FIRRM: variants seen among roughly 807,000 people sequenced by gnomAD.
FIRRM encodes the protein FIGNL1-interacting regulator of recombination and mitosis.
At chr1:169,793,420 T>C in the FIRRM span, 9 of 1,614,206 alleles carry the variant, frequency 5.6e-6, no homozygotes, top group East Asian at 2.0e-4. Context: ...AGGGCTGTTT[T>C]CCATGTGGCT....
the FIRRM span, among the ~76,000 whole-genome samples, chr1:169,825,723 C>T: frequency 2.0e-4 from 31 of 152,102 alleles, no homozygotes; most frequent in African/African-American, 7.0e-4. Flanking sequence ...ATGAATGAAC[C>T]AAAGTCATGT....
chr1:169,830,599 A>G, the FIRRM span: 2 of 1,194,544 alleles, frequency 1.7e-6, no homozygotes, highest in African/African-American at 1.5e-5. Context: ...GCAGTTTTTA[A>G]TGTCCTCATC....
chr1:169,800,918 C>T, the FIRRM span: 146 of 1,595,638 alleles, frequency 9.1e-5, no homozygotes, highest in Non-Finnish European at 1.2e-4. Flanking sequence ...GTTTTTACCT[C>T]ATATGAACCA....
the FIRRM span, among the ~76,000 whole-genome samples, chr1:169,801,206 G>A: frequency 3.3e-5 from 5 of 151,808 alleles, no homozygotes; most frequent in Non-Finnish European, 5.9e-5. Context: ...TCTCTGAGAG[G>A]CTGAGGTGGG....
the FIRRM span, among the ~76,000 whole-genome samples, chr1:169,808,890 C>T: frequency 2.5e-4 from 38 of 152,132 alleles, no homozygotes; most frequent in African/African-American, 8.0e-4. Flanking sequence ...TGAGCCACCG[C>T]GCCCAGCCTA....
the FIRRM span, among the ~76,000 whole-genome samples, chr1:169,833,846 C>CTTT: frequency 0.085 from 8,158 of 95,910 alleles, 414 homozygotes; most frequent in Admixed American, 0.15. Context: ...AGTCACTTTC[C>CTTT]TTTTTTTTTT....
the FIRRM span, among the ~76,000 whole-genome samples, chr1:169,810,618 T>A: frequency 6.6e-6 from 1 of 152,080 alleles, no homozygotes; most frequent in Non-Finnish European, 1.5e-5. Flanking sequence ...TCATCTTAAC[T>A]AATTATGTCT....
At chr1:169,791,170 T>C in the FIRRM span, among the ~76,000 whole-genome samples, 4 of 152,194 alleles carry the variant, frequency 2.6e-5, no homozygotes, top group African/African-American at 7.2e-5. Flanking sequence ...CCAGTACTGG[T>C]CCACGGCGCA....
the FIRRM span, among the ~76,000 whole-genome samples, chr1:169,822,153 C>T: frequency 1.3e-5 from 2 of 152,120 alleles, no homozygotes; most frequent in African/African-American, 4.8e-5. Flanking sequence ...GCCATTGGTA[C>T]ATTTCCCACA....
chr1:169,811,737 TAGACAGATTATCTAAATAGATAATAGAC>T, the FIRRM span, among the ~76,000 whole-genome samples: 2 of 150,342 alleles, frequency 1.3e-5, no homozygotes, highest in Non-Finnish European at 1.5e-5. Context: ...AAATAGATAA[TAGACAGATTATCTAAATAGATAATAGAC>T]AGATTATCTA....
the FIRRM span, among the ~76,000 whole-genome samples, chr1:169,813,333 A>T: frequency 1.3e-5 from 2 of 152,220 alleles, no homozygotes; most frequent in South Asian, 2.1e-4. Context: ...TTGTAGTAGG[A>T]CCAGGACTTA....
chr1:169,807,895 A>G, the FIRRM span: 1 of 1,609,460 alleles, frequency 6.2e-7, no homozygotes, highest in South Asian at 1.1e-5. Flanking sequence ...TCTTGTTTAC[A>G]GTTAGCTGAG....
the FIRRM span, among the ~76,000 whole-genome samples, chr1:169,815,444 A>G: frequency 6.6e-6 from 1 of 152,134 alleles, no homozygotes; most frequent in African/African-American, 2.4e-5. Context: ...GGGGTGGGCA[A>G]TTCCCAGAAC....
At chr1:169,811,869 TTAGA>T in the FIRRM span, among the ~76,000 whole-genome samples, 25 of 142,804 alleles carry the variant, frequency 1.8e-4, no homozygotes, top group East Asian at 9.4e-4. Context: ...GATAGATAGA[TTAGA>T]TAGATAGATA....
chr1:169,837,182 G>A, the FIRRM span: 1 of 1,278,628 alleles, frequency 7.8e-7, no homozygotes, highest in Non-Finnish European at 1.0e-6. Flanking sequence ...TAGGTACTGG[G>A]GTTAGGTTGT....
the FIRRM span, among the ~76,000 whole-genome samples, chr1:169,794,393 A>G: frequency 5.3e-5 from 8 of 152,198 alleles, no homozygotes; most frequent in Non-Finnish European, 1.2e-4. Context: ...CCAAACATTT[A>G]GTCGAGAACA....
the FIRRM span, chr1:169,853,065 T>G: frequency 7.1e-7 from 1 of 1,414,006 alleles, no homozygotes. Context: ...CTAACAGATA[T>G]AAAACAAATT....
the FIRRM span, chr1:169,842,368 C>G: frequency 2.0e-4 from 323 of 1,583,844 alleles, 2 homozygotes; most frequent in Admixed American, 1.8e-5. Context: ...CTTGGTGGTG[C>G]TTTAGACTGG....
At chr1:169,791,175 G>A in the FIRRM span, among the ~76,000 whole-genome samples, 2 of 152,314 alleles carry the variant, frequency 1.3e-5, no homozygotes, top group African/African-American at 4.8e-5. Context: ...ACTGGTCCAC[G>A]GCGCAGGCAT....
Sources: allele counts gnomAD v4.1 joint callset (sites outside exome capture counted in the v4.1 genomes callset), GRCh38; gene constraint gnomAD v4.1.1; transcripts MANE v1.5; gene names NCBI Gene and HGNC (gene_info 2026-07-23, HGNC 2026-07-21).